ARHGAP33: variants seen among roughly 807,000 people sequenced by gnomAD.
The protein encoded by ARHGAP33 is rho GTPase-activating protein 33.
Under a neutral mutation model 126.2 loss-of-function variants are expected in ARHGAP33, and 57 were observed. That is an observed-to-expected ratio of 0.45 (90% CI 0.36 to 0.56). The LOEUF (loss-of-function observed/expected upper bound fraction) is 0.56. ARHGAP33 is among the 20% of genes least tolerant of loss of function. ARHGAP33 has a pLI of 0.00. For synonymous variants in ARHGAP33, 711 were observed against 755.0 expected, an observed-to-expected ratio of 0.94 and a Z score of 0.95; for missense variants, 1,500 against 1,748.3, an observed-to-expected ratio of 0.86 and a Z score of 2.53.
chr19:35,779,043 A>G lies in ARHGAP33; in HGVS notation c.420A>G (p.Pro140=), dbSNP rs770644481. Residue 140 remains proline (P), a synonymous_variant, in exon 6 of 21, where the codon CCA becomes CCG. Coordinates refer to ENST00000007510, the MANE Select transcript of ARHGAP33 (RefSeq NM_001366178.1). ...EGARAAQMLV[P]LLLQYLETLS... The stretch of plus-strand genomic sequence containing the variant: ...CAACCTGCCCCCAGATGCTGGTGCC[A>G]CTGCTGCTGCAGTACCTGGAGACAC... 6.4e-7 allele frequency: 1 copy of G among 1,550,446 alleles called. No homozygotes were observed. Among genetic ancestry groups the G allele is most frequent in the African/African-American group, 1.4e-5 (1 of 73,108 alleles).
In ARHGAP33 at chr19:35,788,573, A is replaced by G. The variant is rs1972249110; in HGVS notation, c.*144A>G. The G allele has an allele frequency of 5.6e-6, 4 of 708,634 alleles. No homozygotes were observed. Among genetic ancestry groups the G allele is most frequent in the Non-Finnish European group, 8.8e-6 (4 of 454,154 alleles). 43.9% of individuals were successfully genotyped at this position (708,634 alleles called of 1,614,324 possible). ...TAACTTGCTTCTGATGTGGGTCCCT[A>G]ACCTATAATCTCAGCTTCCCTACCC... is the stretch of plus-strand genomic sequence containing the variant. On this transcript the variant is annotated 3_prime_UTR_variant, in exon 21 of 21. Transcript: ENST00000007510.
rs1972055829 is a variant in ARHGAP33, at chr19:35,785,307, G to A, written c.1840G>A (p.Gly614Ser). ...PRKKPLPWLG[G>S]TRAPPQPSGS... ...AAAGAAGCCCCTGCCCTGGCTGGGG[G>A]GCACCCGTGCCCCACCGCAGCCTTC... Residue 614 changes from glycine to serine, a missense_variant, in exon 18 of 21, where the codon GGC (glycine) becomes AGC (serine). This residue lies in a region of ARHGAP33 where 300 missense variants were observed against 291.1 expected (regional missense o/e 1.03). Coordinates refer to ENST00000007510, the MANE Select transcript of ARHGAP33 (RefSeq NM_001366178.1). 1.2e-6 allele frequency: 2 copies of A among 1,606,662 alleles called. No individual in the cohort carries two copies. The highest frequency in any genetic ancestry group is 1.7e-6 in the Non-Finnish European group (2 of 1,175,724).
chr19:35,787,309 A>G lies in ARHGAP33; in HGVS notation c.2744A>G (p.Gln915Arg), dbSNP rs769033930. The change falls in exon 21 of 21, where the codon CAG (glutamine) becomes CGG (arginine). Residue 915 changes from glutamine (Q) to arginine (R), a missense_variant. This residue lies in a region of ARHGAP33 where 642 missense variants were observed against 634.0 expected (regional missense o/e 1.01). Coordinates refer to ENST00000007510, the MANE Select transcript of ARHGAP33 (RefSeq NM_001366178.1). ...AERAQQVAEQQSQQECGGTPP... is the reference protein window; with the variant it reads ...AERAQQVAEQRSQQECGGTPP... ...CGGGCTCAGCAGGTGGCCGAGCAACAGAGCCAGCAGGAGTGTGGGGGCACC... is the reference window on the plus strand; with the variant it reads ...CGGGCTCAGCAGGTGGCCGAGCAACGGAGCCAGCAGGAGTGTGGGGGCACC... 1.2e-6 allele frequency: 2 copies of G among 1,612,330 alleles called. No individual in the cohort carries two copies. Among genetic ancestry groups the G allele is most frequent in the South Asian group, 2.2e-5 (2 of 91,022 alleles).
At chr19:35,779,802 G>A (rs1205630596) in intron 6 of ARHGAP33, 3 of 412,804 alleles carry the variant, frequency 7.3e-6, no homozygotes, top group African/African-American at 6.2e-5. Context: ...TTGAACTCCT[G>A]GGGTCAAGCA....
In ARHGAP33 at chr19:35,785,281, G is replaced by T; in HGVS notation, c.1814G>T (p.Arg605Leu). The T allele has an allele frequency of 2.5e-6, 4 of 1,599,120 alleles. No homozygotes were observed. Among genetic ancestry groups the T allele is most frequent in the South Asian group, 1.1e-5 (1 of 89,850 alleles). ...FALGRGPSVP[R>L]KKPLPWLGGT... ...CTGGGCCGGGGCCCCAGTGTCCCTC[G>T]AAAGAAGCCCCTGCCCTGGCTGGGG... Residue 605 changes from arginine (R) to leucine (L), a missense_variant, in exon 18 of 21, where the codon CGA (arginine) becomes CTA (leucine). By Grantham distance (102) the Arg-to-Leu change is moderately radical. Transcript: ENST00000007510.
At chr19:35,779,688 T>G (rs1971646616) in intron 6 of ARHGAP33, among the ~76,000 whole-genome samples, 1 of 152,108 alleles carries the variant, frequency 6.6e-6, no homozygotes, top group Admixed American at 6.5e-5. Context: ...CTCAGCCTCC[T>G]AAAGTGTTGG....
rs1972222004 is a variant in ARHGAP33 at position 35,788,117 on chromosome 19, C to T, written c.3552C>T (p.Ser1184=). The part of the protein sequence containing the change: ...LGPRGPSPAS[S]SSSSPPAHPR... ...CCAGGGGTCCCTCACCTGCCTCTTC[C>T]TCCTCCTCTTCCCCTCCTGCCCACC... The change falls in exon 21 of 21, where the codon TCC becomes TCT. Residue 1184 remains serine (S), a synonymous_variant. Transcript: ENST00000007510. The T allele has an allele frequency of 1.9e-6, 3 of 1,611,612 alleles. No homozygotes were observed. In the East Asian group the frequency reaches 6.7e-5, roughly 36 times the overall value.
In ARHGAP33 at chr19:35,784,280, C is replaced by A; in HGVS notation, c.1530C>A (p.Phe510Leu). 1 of 1,606,232 alleles carries A rather than the reference C, an allele frequency of 6.2e-7. No homozygotes were observed. Among genetic ancestry groups the A allele is most frequent in the Non-Finnish European group, 8.5e-7 (1 of 1,175,604 alleles). ...EFLLTHVDVL[F>L]SDTFTSAGLD... ...TGCTCACCCATGTGGACGTCCTGTT[C>A]AGCGACACCTTCACCTCCGCCGGCC... The change falls in exon 16 of 21, where the codon TTC (phenylalanine) becomes TTA (leucine). Residue 510 changes from phenylalanine to leucine, a missense_variant. Around this residue, in one of 6 missense-constraint regions of ARHGAP33, gnomAD observed 281 missense variants for 413.7 expected, o/e 0.68. Coordinates refer to ENST00000007510, the MANE Select transcript of ARHGAP33 (RefSeq NM_001366178.1).
chr19:35,776,132 C>T (rs1324058772), intron 1 of ARHGAP33, among the ~76,000 whole-genome samples: 1 of 135,460 alleles, frequency 7.4e-6, no homozygotes, highest in Non-Finnish European at 1.6e-5. Context: ...TGACCCTTTT[C>T]TTCTCCTTCT....
At position 35,778,655 on chromosome 19, in the gene ARHGAP33, T is replaced by C. The variant is rs1470459066; in HGVS notation, c.408+54T>C. 1.9e-6 allele frequency: 3 copies of C among 1,571,874 alleles called. No homozygotes were observed. In the South Asian group the frequency reaches 3.5e-5, roughly 18 times the overall value. On this transcript the variant is annotated intron_variant, in intron 5 of 20. Coordinates refer to ENST00000007510, the MANE Select transcript of ARHGAP33 (RefSeq NM_001366178.1). ...CTCATGAGTGTGTCCTCATCCACAG[T>C]GTGAAATCATCAAGGCAGCGGGATA... is the stretch of plus-strand genomic sequence containing the variant.
Position 35,784,108 on chromosome 19 carries a change from G to T in ARHGAP33, c.1422-64G>T, listed in dbSNP as rs924924272. 23 of 1,455,820 alleles carry T rather than the reference G, an allele frequency of 1.6e-5. No individual in the cohort carries two copies. In the African/African-American group the frequency reaches 3.1e-4, roughly 20 times the overall value. The allele number at this position is 1,455,820 out of a possible 1,614,324, so 90.2% of individuals were successfully genotyped here. On this transcript the variant is annotated intron_variant, in intron 15 of 20. Coordinates refer to ENST00000007510, the MANE Select transcript of ARHGAP33 (RefSeq NM_001366178.1). ...ACTGCCTCCCCTGGCTCCCCTCATT[G>T]CCCTGCCAGAACCTGCTGGCTGGGC...
intron 5 of ARHGAP33, 122 bp downstream of exon 5, chr19:35,778,723 C>T (rs1971588304): frequency 1.5e-6 from 2 of 1,326,074 alleles, no homozygotes; most frequent in African/African-American, 3.0e-5. Flanking sequence ...CCCAACCAAT[C>T]TGAATGAATG....
chr19:35,783,763 G>A (rs1437283535), intron 15 of ARHGAP33, among the ~76,000 whole-genome samples: 2 of 152,070 alleles, frequency 1.3e-5, no homozygotes, highest in Non-Finnish European at 2.9e-5. Flanking sequence ...TGAGCCAGGC[G>A]GGCCCTGATG....
chr19:35,778,054 C>T (rs910399232), intron 3 of ARHGAP33, 146 bp downstream of exon 3: 3 of 985,236 alleles, frequency 3.0e-6, no homozygotes, highest in Non-Finnish European at 4.6e-6. Flanking sequence ...GTTGCAGGAG[C>T]CACAGCAGAT....
At chr19:35,784,771 C>T (rs1416350434) in intron 16 of ARHGAP33, 182 bp from the exon 17 acceptor site, 22 of 1,366,322 alleles carry the variant, frequency 1.6e-5, no homozygotes, top group East Asian at 1.5e-4. Flanking sequence ...CAGCTCGTCC[C>T]GCCCCGCCCT....
chr19:35,776,171 C>G (rs1011986474), intron 1 of ARHGAP33, among the ~76,000 whole-genome samples: 1 of 149,014 alleles, frequency 6.7e-6, no homozygotes, highest in Non-Finnish European at 1.5e-5. Context: ...CCCAGTTCCT[C>G]TCAATCCCCC....
chr19:35,779,959 A>C, intron 6 of ARHGAP33: 1 of 595,774 alleles, frequency 1.7e-6, no homozygotes, highest in Non-Finnish European at 3.2e-6. Flanking sequence ...CAGGTGGGGA[A>C]GCCTTTGGGT....
In ARHGAP33 at chr19:35,787,940, A is replaced by AC; in HGVS notation, c.3380dup (p.Leu1128ThrfsTer21). On this transcript the variant is annotated frameshift_variant, in exon 21 of 21. Transcript: ENST00000007510. LOFTEE classifies it high-confidence loss of function. ...CCTCCTACGGCATGCTTGGCCAATC[A>AC]CCCCCACTCCACAGGTCCCCCGACT... The AC allele has an allele frequency of 9.6e-7, 1 of 1,040,636 alleles. No homozygotes were observed. The highest frequency in any genetic ancestry group is 1.2e-6 in the Non-Finnish European group (1 of 805,524). The allele number at this position is 1,040,636 out of a possible 1,614,324, so 64.5% of individuals were successfully genotyped here.
intron 16 of ARHGAP33, chr19:35,784,651 G>T (rs1156962570): frequency 1.9e-6 from 2 of 1,076,856 alleles, no homozygotes; most frequent in African/African-American, 4.4e-5. Flanking sequence ...TCCCCGCCCT[G>T]CCCCGGACCC....
Sources: allele counts gnomAD v4.1 joint callset (sites outside exome capture counted in the v4.1 genomes callset), GRCh38; gene constraint gnomAD v4.1.1; regional missense constraint gnomAD v4.1.1; transcripts MANE v1.5; gene names NCBI Gene and HGNC (gene_info 2026-07-23, HGNC 2026-07-21).